MTHFD2: variants seen among roughly 807,000 people sequenced by gnomAD.
The protein encoded by MTHFD2 is bifunctional methylenetetrahydrofolate dehydrogenase/cyclohydrolase, mitochondrial.
Under a neutral mutation model 36.8 loss-of-function variants are expected in MTHFD2, and 26 were observed. That is an observed-to-expected ratio of 0.71 (90% CI 0.52 to 0.98). MTHFD2 has a LOEUF of 0.98. Ranked by LOEUF, MTHFD2 falls within the 50% of genes least tolerant of loss-of-function variation. The pLI is 0.00. For synonymous variants in MTHFD2, 164 were observed against 155.2 expected (o/e 1.06, Z -0.42); for missense variants, 373 against 434.0 (o/e 0.86, Z 1.25).
At chr2:74,211,948 T>A in intron 7 of MTHFD2, 82 bp downstream of exon 7, 4 of 952,680 alleles carry the variant, frequency 4.2e-6, no homozygotes, top group Non-Finnish European at 4.1e-6. Flanking sequence ...TATTTACTTT[T>A]TTTTTTTTTT....
At chr2:74,209,540 C>T (rs1193640287) in intron 4 of MTHFD2, among the ~76,000 whole-genome samples, 4 of 152,050 alleles carry the variant, frequency 2.6e-5, no homozygotes, top group Non-Finnish European at 5.9e-5. Flanking sequence ...TGTGAGCCAT[C>T]GCGCGTGGCC....
intron 2 of MTHFD2, 119 bp from the exon 3 acceptor site, chr2:74,207,585 G>A: frequency 1.1e-6 from 1 of 938,774 alleles, no homozygotes; most frequent in East Asian, 2.6e-5. Flanking sequence ...AGCTACTTCA[G>A]CTTTTAGGGA....
At position 74,207,712 on chromosome 2, in the gene MTHFD2, A is replaced by G. The variant is rs1694214148; in HGVS notation, c.295A>G (p.Ser99Gly). The G allele has an allele frequency of 6.2e-7, 1 of 1,607,118 alleles. No individual in the cohort carries two copies. The highest frequency in any genetic ancestry group is 1.7e-5 in the Admixed American group (1 of 59,910). Residue 99 changes from serine (S) to glycine (G), a missense_variant, in exon 3 of 8, where the codon AGT becomes GGT. Ser to Gly is a moderately conservative substitution (Grantham distance 56). Around this residue, in one of 2 missense-constraint regions of MTHFD2, gnomAD observed 308 missense variants for 397.8 expected, o/e 0.77. Transcript: ENST00000394053. ...TRAAAVVGIN[S>G]ETIMKPASIS... Reference sequence around the variant, plus strand: ...AAAATTTCTTATAATAGGAATCAACAGTGAGACAATTATGAAACCAGCTTC... The same window carrying G: ...AAAATTTCTTATAATAGGAATCAACGGTGAGACAATTATGAAACCAGCTTC...
intron 7 of MTHFD2, among the ~76,000 whole-genome samples, chr2:74,213,153 C>T (rs1694344813): frequency 6.6e-6 from 1 of 152,070 alleles, no homozygotes; most frequent in African/African-American, 2.4e-5. Context: ...ATCCGCCTGC[C>T]TCAGCCTTTA....
intron 2 of MTHFD2, chr2:74,206,569 G>C (rs1694184352): frequency 6.6e-6 from 1 of 152,298 alleles, no homozygotes; most frequent in African/African-American, 2.4e-5. Context: ...TCGAAGGGCT[G>C]TGAAACCACT....
At chr2:74,211,365 G>A (rs963083004) in intron 6 of MTHFD2, 74 bp downstream of exon 6, 15 of 903,166 alleles carry the variant, frequency 1.7e-5, no homozygotes, top group South Asian at 6.3e-5. Flanking sequence ...CTTAGAATTC[G>A]CCTGCCTAGC....
intron 1 of MTHFD2, among the ~76,000 whole-genome samples, chr2:74,203,901 GTTTA>G (rs768429608): frequency 3.4e-5 from 1 of 29,478 alleles, no homozygotes; most frequent in Non-Finnish European, 6.3e-5. Flanking sequence ...GTTTAGTTTA[GTTTA>G]GTTAGTTTAG....
Position 74,210,024 on chromosome 2 carries a change from A to C in MTHFD2, c.645A>C (p.Thr215=). The C allele has an allele frequency of 6.2e-7, 1 of 1,613,590 alleles. No homozygotes were observed. The highest frequency in any genetic ancestry group is 1.1e-5 in the South Asian group (1 of 90,994). Reference sequence around the variant, plus strand: ...TGCCCATTGCAATGTTACTGCACACAGATGGGGCGCATGAACGTCCCGGAG... The same window carrying C: ...TGCCCATTGCAATGTTACTGCACACCGATGGGGCGCATGAACGTCCCGGAG... ...VGMPIAMLLH[T]DGAHERPGGD... is the part of the protein sequence containing the mutation. Residue 215 remains threonine (T), a synonymous_variant, in exon 5 of 8, where the codon ACA becomes ACC. Coordinates refer to ENST00000394053, the MANE Select transcript of MTHFD2 (RefSeq NM_006636.4).
intron 1 of MTHFD2, among the ~76,000 whole-genome samples, chr2:74,201,372 T>G (rs1694038816): frequency 6.6e-6 from 1 of 152,112 alleles, no homozygotes; most frequent in Admixed American, 6.6e-5. Context: ...TTTTTTTTCT[T>G]TTTTGGCAGG....
chr2:74,198,678 C>T lies in MTHFD2; in HGVS notation c.37C>T (p.Arg13Trp), dbSNP rs544541606. ...ATSLMSALAA[R>W]LLQPAHSCSL... ...TTCTCTAATGTCTGCTTTGGCTGCC[C>T]GGCTGCTGCAGCCCGCGCACAGCTG... Residue 13 changes from arginine (R) to tryptophan (W), a missense_variant, in exon 1 of 8, where the codon CGG (arginine) becomes TGG (tryptophan). Coordinates refer to ENST00000394053, the MANE Select transcript of MTHFD2 (RefSeq NM_006636.4). 5 of 1,611,232 alleles carry T rather than the reference C, an allele frequency of 3.1e-6. No individual in the cohort carries two copies. Among genetic ancestry groups the T allele is most frequent in the Non-Finnish European group, 3.4e-6 (4 of 1,178,954 alleles).
Position 74,214,224 on chromosome 2 carries a change from T to G in MTHFD2, c.1035T>G (p.Leu345=). ...GAGAAGTGCTGAAGTCTAAAGAGCTTGGGGTAGCCACTAATTAACTACTGT... is the reference window on the plus strand; with the variant it reads ...GAGAAGTGCTGAAGTCTAAAGAGCTGGGGGTAGCCACTAATTAACTACTGT... ...EEREVLKSKE[L]GVATN Residue 345 remains leucine, a synonymous_variant, in exon 8 of 8, where the codon CTT becomes CTG. Transcript: ENST00000394053. The G allele has an allele frequency of 6.2e-7, 1 of 1,613,916 alleles. No individual in the cohort carries two copies. Among genetic ancestry groups the G allele is most frequent in the Non-Finnish European group, 8.5e-7 (1 of 1,179,884 alleles).
At chr2:74,205,632 C>T (rs779631634) in intron 1 of MTHFD2, 73 bp from the exon 2 acceptor site, 3 of 1,512,942 alleles carry the variant, frequency 2.0e-6, no homozygotes, top group Non-Finnish European at 2.7e-6. Context: ...GCATAAGCCA[C>T]TACACCTGGC....
At chr2:74,207,655 T>TG in intron 2 of MTHFD2, 49 bp from the exon 3 acceptor site, 1 of 1,547,188 alleles carries the variant, frequency 6.5e-7, no homozygotes, top group Non-Finnish European at 8.9e-7. Context: ...ATAGCAGTGC[T>TG]CATTAAATGC....
intron 1 of MTHFD2, among the ~76,000 whole-genome samples, chr2:74,198,999 G>A (rs1462555381): frequency 2.0e-5 from 3 of 152,230 alleles, no homozygotes; most frequent in Non-Finnish European, 4.4e-5. Flanking sequence ...GCGACTCGGG[G>A]CGTCGCCGGG....
In MTHFD2 at chr2:74,201,132, C is replaced by T. The variant is rs536454790; in HGVS notation, c.101+2390C>T. Reference sequence around the variant, plus strand: ...CCTCCCAAACAGCTGGGACTATAGGCGCACACCACCATGCCCTGCTAATTT... The same window carrying T: ...CCTCCCAAACAGCTGGGACTATAGGTGCACACCACCATGCCCTGCTAATTT... On this transcript the variant is annotated intron_variant, in intron 1 of 7. Coordinates refer to ENST00000394053, the MANE Select transcript of MTHFD2 (RefSeq NM_006636.4). 1.4e-4 allele frequency among the ~76,000 whole-genome samples: 22 copies of T among 152,178 alleles called. No homozygotes were observed. In the East Asian group the frequency reaches 3.7e-3, roughly 25 times the overall value.
intron 7 of MTHFD2, 76 bp downstream of exon 7, chr2:74,211,942 TA>T: frequency 1.0e-6 from 1 of 995,790 alleles, no homozygotes. Flanking sequence ...ATAGATTATT[TA>T]CTTTTTTTTT....
In MTHFD2 at chr2:74,207,688, A is replaced by G. The variant is rs772341902; in HGVS notation, c.287-16A>G. On this transcript the variant is annotated splice_polypyrimidine_tract_variant and intron_variant, in intron 2 of 7. Transcript: ENST00000394053. ...TGCCTCAAAAATTTTTTTAACCTCA[A>G]AATTTCTTATAATAGGAATCAACAG... 1 of 1,590,224 alleles carries G rather than the reference A, an allele frequency of 6.3e-7. No individual in the cohort carries two copies. The highest frequency in any genetic ancestry group is 1.1e-5 in the South Asian group (1 of 89,426).
chr2:74,203,276 G>A (rs564934888), intron 1 of MTHFD2, among the ~76,000 whole-genome samples: 33 of 152,072 alleles, frequency 2.2e-4, no homozygotes, highest in Non-Finnish European at 4.0e-4. Flanking sequence ...AAAATGCTAG[G>A]ATTACAGGCA....
chr2:74,200,902 A>G (rs1352920971), intron 1 of MTHFD2, among the ~76,000 whole-genome samples: 1 of 152,202 alleles, frequency 6.6e-6, no homozygotes, highest in East Asian at 1.9e-4. Flanking sequence ...ATGTCCTGAT[A>G]CTAATTTCTC....
Sources: gnomAD v4.1 joint callset for allele counts (sites outside exome capture counted in the v4.1 genomes callset) on GRCh38, gnomAD v4.1.1 for gene constraint, gnomAD v4.1.1 regional missense constraint, MANE v1.5 for transcripts, NCBI Gene and HGNC (gene_info 2026-07-23, HGNC 2026-07-21) for gene names.